The following ERBB4 variants were observed in gnomAD, a reference collection of about 807,000 sequenced individuals.
The protein encoded by ERBB4 is receptor tyrosine-protein kinase erbB-4.
Under a neutral mutation model 158.0 loss-of-function variants are expected in ERBB4, and 42 were observed. The ratio of observed to expected loss-of-function variants is 0.27; its 90% confidence interval spans 0.21 to 0.34. The LOEUF (loss-of-function observed/expected upper bound fraction) is 0.34. Among genes scored for constraint, ERBB4 ranks in the 10% least tolerant of loss-of-function variants. ERBB4 has a pLI of 1.00. For missense variants in ERBB4, 1,333 were observed against 1,624.1 expected (o/e 0.82, Z 3.08); for synonymous variants, 583 against 558.7 (o/e 1.04, Z -0.61).
intron 19 of ERBB4, among the ~76,000 whole-genome samples, chr2:211,565,817 C>T (rs2067529532): frequency 6.6e-6 from 1 of 152,108 alleles, no homozygotes; most frequent in African/African-American, 2.4e-5. Flanking sequence ...GATAGAAGAC[C>T]AAACAAAAGA....
At chr2:212,044,710 T>C (rs773548487) in intron 2 of ERBB4, among the ~76,000 whole-genome samples, 10 of 152,218 alleles carry the variant, frequency 6.6e-5, no homozygotes, top group Admixed American at 4.6e-4. Flanking sequence ...GCTAATATGT[T>C]ATCTGGAGGA....
At chr2:212,523,231 T>C (rs1363802261) in intron 1 of ERBB4, among the ~76,000 whole-genome samples, 2 of 151,942 alleles carry the variant, frequency 1.3e-5, no homozygotes, top group Non-Finnish European at 2.9e-5. Flanking sequence ...TCAGTTTCCC[T>C]AGGAAAGTGC....
At chr2:211,847,635 T>G (rs996693373) in intron 3 of ERBB4, among the ~76,000 whole-genome samples, 8 of 152,078 alleles carry the variant, frequency 5.3e-5, no homozygotes, top group Non-Finnish European at 1.0e-4. Flanking sequence ...CATTATGATT[T>G]TTTTTTGCAA....
intron 1 of ERBB4, among the ~76,000 whole-genome samples, chr2:212,425,410 G>A (rs533139527): frequency 7.9e-4 from 116 of 147,732 alleles, no homozygotes; most frequent in Middle Eastern, 4.1e-3. Context: ...ACATATATAT[G>A]TATATACACA....
intron 1 of ERBB4, among the ~76,000 whole-genome samples, chr2:212,269,786 G>A (rs1400077598): frequency 6.6e-6 from 1 of 151,716 alleles, no homozygotes. Context: ...ACTTTTACAT[G>A]CTAAGCCCAA....
chr2:212,290,732 T>G (rs965970003), intron 1 of ERBB4, among the ~76,000 whole-genome samples: 4 of 152,026 alleles, frequency 2.6e-5, no homozygotes, highest in African/African-American at 4.8e-5. Context: ...AATCACATAT[T>G]GGATTACTTA....
intron 2 of ERBB4, among the ~76,000 whole-genome samples, chr2:212,009,158 C>G (rs1239296865): frequency 6.6e-6 from 1 of 151,974 alleles, no homozygotes; most frequent in Non-Finnish European, 1.5e-5. Context: ...TGTCCCCCAA[C>G]CCCCCAAAAA....
chr2:211,431,403 G>A (rs954897491), intron 20 of ERBB4, among the ~76,000 whole-genome samples: 3 of 152,138 alleles, frequency 2.0e-5, no homozygotes, highest in Admixed American at 1.3e-4. Flanking sequence ...TTAGTGAGGT[G>A]TGCAGGTGTT....
chr2:211,983,827 G>A (rs956259209), intron 2 of ERBB4, among the ~76,000 whole-genome samples: 5 of 152,064 alleles, frequency 3.3e-5, no homozygotes, highest in African/African-American at 9.7e-5. Flanking sequence ...GAATATTGTG[G>A]AAGTTATCAA....
At chr2:211,677,907 TAAAG>T (rs2072150530) in intron 13 of ERBB4, among the ~76,000 whole-genome samples, 1 of 151,686 alleles carries the variant, frequency 6.6e-6, no homozygotes, top group Non-Finnish European at 1.5e-5. Flanking sequence ...AAAATAAAAA[TAAAG>T]AAAGAAAATA....
At chr2:212,268,632 C>A (rs2085235109) in intron 1 of ERBB4, among the ~76,000 whole-genome samples, 4 of 151,714 alleles carry the variant, frequency 2.6e-5, no homozygotes, top group Non-Finnish European at 5.9e-5. Context: ...CTTACTAGGC[C>A]ATATAATGTC....
intron 2 of ERBB4, among the ~76,000 whole-genome samples, chr2:212,119,381 T>C (rs1271744781): frequency 5.3e-5 from 8 of 152,186 alleles, no homozygotes; most frequent in Admixed American, 4.6e-4. Flanking sequence ...TCAGGCACCT[T>C]TTTAGAAGCA....
At position 211,579,764 on chromosome 2, in the gene ERBB4, C is replaced by A. The variant is rs149707896; in HGVS notation, c.2302-17676G>T. The stretch of plus-strand genomic sequence containing the variant: ...TCTGAATGATGAGAACACATAGACA[C>A]AGGGAGAGGAAAAACACACACTGGG... On this transcript the variant is annotated intron_variant, in intron 19 of 27. Coordinates refer to ENST00000342788, the MANE Select transcript of ERBB4 (RefSeq NM_005235.3). Among the ~76,000 whole-genome samples, 1,212 of 150,896 alleles carry A rather than the reference C, an allele frequency of 8.0e-3. 19 individuals are homozygous for A. Among genetic ancestry groups the A allele is most frequent in the African/African-American group, 0.028 (1,153 of 41,062 alleles).
intron 1 of ERBB4, among the ~76,000 whole-genome samples, chr2:212,160,036 C>T (rs1222255738): frequency 6.6e-6 from 1 of 151,980 alleles, no homozygotes; most frequent in Non-Finnish European, 1.5e-5. Flanking sequence ...AGCCCAAATG[C>T]GTTGTCTTCA....
In ERBB4 at chr2:212,538,661, G is replaced by T; in HGVS notation, c.-131C>A. 1 of 878,920 alleles carries T rather than the reference G, an allele frequency of 1.1e-6. No individual in the cohort carries two copies. The highest frequency in any genetic ancestry group is 1.8e-6 in the Non-Finnish European group (1 of 558,960). 54.4% of individuals were successfully genotyped at this position (878,920 alleles called of 1,614,324 possible). A position where few individuals can be genotyped will look rare whatever the true frequency, so the allele number is the denominator to read the frequency against. ...GAGGGGGGCGGGCGCGGCGCGCGCG[G>T]TGTGGCGACTCCCAGGGCGGGCGAC... On this transcript the variant is annotated 5_prime_UTR_variant, in exon 1 of 28. Coordinates refer to ENST00000342788, the MANE Select transcript of ERBB4 (RefSeq NM_005235.3).
At chr2:212,015,193 C>A (rs1422006574) in intron 2 of ERBB4, among the ~76,000 whole-genome samples, 19 of 147,216 alleles carry the variant, frequency 1.3e-4, no homozygotes, top group African/African-American at 1.5e-4. Context: ...GTGAACCCAG[C>A]AGACAGAGCT....
intron 3 of ERBB4, among the ~76,000 whole-genome samples, chr2:211,822,043 C>T (rs911140488): frequency 1.3e-5 from 2 of 151,680 alleles, no homozygotes; most frequent in Non-Finnish European, 2.9e-5. Context: ...TGAAATAAGC[C>T]AGAAACAGAA....
At chr2:212,050,693 G>T (rs564327210) in intron 2 of ERBB4, among the ~76,000 whole-genome samples, 1 of 152,256 alleles carries the variant, frequency 6.6e-6, no homozygotes, top group South Asian at 2.1e-4. Flanking sequence ...AATTATCTGT[G>T]CTAGTATGGA....
intron 1 of ERBB4, among the ~76,000 whole-genome samples, chr2:212,287,763 A>G (rs2086051716): frequency 6.6e-6 from 1 of 152,228 alleles, no homozygotes; most frequent in Non-Finnish European, 1.5e-5. Context: ...TGTCCTTTGC[A>G]GGGACATGGA....
Sources: allele counts gnomAD v4.1 joint callset (sites outside exome capture counted in the v4.1 genomes callset), GRCh38; gene constraint gnomAD v4.1.1; transcripts MANE v1.5; gene names NCBI Gene and HGNC (gene_info 2026-07-23, HGNC 2026-07-21).